C3orf70: variants seen among roughly 807,000 people sequenced by gnomAD.
The protein encoded by C3orf70 is chromosome 3 open reading frame 70.
C3orf70 carries 15 observed loss-of-function variants against 20.7 expected under a neutral mutation model. That is an observed-to-expected ratio of 0.72 (90% CI 0.48 to 1.11). The LOEUF is 1.11. C3orf70 is among the 50% of genes most tolerant of loss of function. C3orf70 has a pLI of 0.00. For missense variants in C3orf70, 332 were observed against 317.6 expected (o/e 1.05, Z -0.34); for synonymous variants, 161 against 125.7 (o/e 1.28, Z -1.88).
chr3:185,148,091 GT>G (rs1162679086), intron 1 of C3orf70, among the ~76,000 whole-genome samples: 3 of 152,292 alleles, frequency 2.0e-5, no homozygotes, highest in African/African-American at 7.2e-5. Flanking sequence ...ACACTCTGGT[GT>G]TGTAAAGGGA....
At chr3:185,106,074 C>A (rs1348670408) in intron 1 of C3orf70, among the ~76,000 whole-genome samples, 6 of 152,154 alleles carry the variant, frequency 3.9e-5, no homozygotes, top group Non-Finnish European at 8.8e-5. Context: ...TCTTTCTTTT[C>A]CAGAGGACAC....
chr3:185,114,655 C>G (rs997346154), intron 1 of C3orf70, among the ~76,000 whole-genome samples: 2 of 152,130 alleles, frequency 1.3e-5, no homozygotes, highest in South Asian at 2.1e-4. Context: ...AGCAATAAAG[C>G]TCATTCTTTA....
intron 1 of C3orf70, among the ~76,000 whole-genome samples, chr3:185,094,287 G>C (rs1022245605): frequency 1.3e-5 from 2 of 151,996 alleles, no homozygotes; most frequent in Non-Finnish European, 2.9e-5. Context: ...AGGTTGGCCA[G>C]GATGGTCTCA....
intron 1 of C3orf70, among the ~76,000 whole-genome samples, chr3:185,106,691 A>G (rs900623284): frequency 2.6e-5 from 4 of 152,184 alleles, no homozygotes; most frequent in Non-Finnish European, 4.4e-5. Context: ...GTCCCCCGCC[A>G]CAGCCGGTAG....
intron 1 of C3orf70, among the ~76,000 whole-genome samples, chr3:185,110,801 T>C (rs1034055863): frequency 1.3e-5 from 2 of 152,246 alleles, no homozygotes; most frequent in Non-Finnish European, 2.9e-5. Context: ...CCCAACCTAT[T>C]CCTTTCATTC....
rs780014947 is a variant in C3orf70, at chr3:185,083,548, T to C, written c.212A>G (p.Gln71Arg). 3 of 1,595,906 alleles carry C rather than the reference T, an allele frequency of 1.9e-6. No homozygotes were observed. Among genetic ancestry groups the C allele is most frequent in the Non-Finnish European group, 2.6e-6 (3 of 1,171,572 alleles). Residue 71 changes from glutamine to arginine, a missense_variant, in exon 2 of 2, where the codon CAG becomes CGG. Transcript: ENST00000335012. ...AAGCTGTTCCACAGGGGTCATAGGC[T>C]GATACATGTATTTGCCTGTGAAGAC... Reference protein sequence around the residue: ...LGWCHCKYMYQPMTPVEQLPS... With the variant: ...LGWCHCKYMYRPMTPVEQLPS...
chr3:185,088,522 CTA>C (rs1715503022), intron 1 of C3orf70, among the ~76,000 whole-genome samples: 2 of 149,586 alleles, frequency 1.3e-5, no homozygotes, highest in African/African-American at 5.0e-5. Context: ...TTATATAAAT[CTA>C]TGATTTTTTT....
At chr3:185,134,183 A>G (rs1716578442) in intron 1 of C3orf70, among the ~76,000 whole-genome samples, 1 of 151,914 alleles carries the variant, frequency 6.6e-6, no homozygotes, top group African/African-American at 2.4e-5. Flanking sequence ...AAACTTTTTT[A>G]GTATTCTTTT....
In C3orf70 at chr3:185,079,579, C is replaced by CAAA. The variant is rs1644223900; in HGVS notation, c.*3427_*3428insTTT. ...CCAAACAGTTGTAACCACAAAAGCA[C>CAAA]TGTAATCATCATTTCTTGGAAAAGT... On this transcript the variant is annotated 3_prime_UTR_variant, in exon 2 of 2. Transcript: ENST00000335012. The CAAA allele has an allele frequency of 6.6e-6, 1 of 152,162 alleles. No homozygotes were observed. The highest frequency in any genetic ancestry group is 1.5e-5 in the Non-Finnish European group (1 of 68,024). The allele number at this position is 152,162 out of a possible 1,614,324, so 9.4% of individuals were successfully genotyped here.
In C3orf70 at chr3:185,083,348, A is replaced by AT; in HGVS notation, c.411dup (p.Cys138MetfsTer3). The AT allele has an allele frequency of 1.2e-6, 2 of 1,614,168 alleles. No homozygotes were observed. The highest frequency in any genetic ancestry group is 1.7e-6 in the Non-Finnish European group (2 of 1,180,008). On this transcript the variant is annotated frameshift_variant, in exon 2 of 2. Coordinates refer to ENST00000335012, the MANE Select transcript of C3orf70 (RefSeq NM_001025266.3). LOFTEE classifies it high-confidence loss of function. ...ACATAACACATCTTCCCATTAATAC[A>AT]TTTAACCTGATAGTTGTCAATAAAA... is the stretch of plus-strand genomic sequence containing the variant.
At chr3:185,138,497 T>C (rs1716674401) in intron 1 of C3orf70, among the ~76,000 whole-genome samples, 2 of 151,640 alleles carry the variant, frequency 1.3e-5, no homozygotes, top group South Asian at 4.2e-4. Context: ...TAAAAATATT[T>C]AACAAACTAT....
chr3:185,130,292 TACAAAA>T (rs1399317852), intron 1 of C3orf70, among the ~76,000 whole-genome samples: 5 of 151,922 alleles, frequency 3.3e-5, no homozygotes, highest in Non-Finnish European at 5.9e-5. Flanking sequence ...CTACTAAAAA[TACAAAA>T]ACAAAATTAG....
At chr3:185,129,142 T>C (rs1010207210) in intron 1 of C3orf70, among the ~76,000 whole-genome samples, 1 of 152,182 alleles carries the variant, frequency 6.6e-6, no homozygotes, top group African/African-American at 2.4e-5. Flanking sequence ...ACAGGGTACA[T>C]ATGTGCAGGA....
intron 1 of C3orf70, among the ~76,000 whole-genome samples, chr3:185,120,033 A>AAGAAAAAGAAAAAGAAAG (rs1553920937): frequency 6.0e-5 from 6 of 100,750 alleles, no homozygotes; most frequent in East Asian, 2.7e-4. Flanking sequence ...AAAAAAAAAA[A>AAGAAAAAGAAAAAGAAAG]AAAAAGAAAA....
At chr3:185,116,162 T>G (rs1244492381) in intron 1 of C3orf70, among the ~76,000 whole-genome samples, 1 of 152,172 alleles carries the variant, frequency 6.6e-6, no homozygotes, top group Non-Finnish European at 1.5e-5. Flanking sequence ...CAGACGGTAA[T>G]ATTTTGGCTT....
chr3:185,104,340 T>C (rs773788607), intron 1 of C3orf70, among the ~76,000 whole-genome samples: 32 of 152,090 alleles, frequency 2.1e-4, no homozygotes, highest in African/African-American at 6.8e-4. Flanking sequence ...GTTGGAGAGG[T>C]TGCAGAGAAA....
intron 1 of C3orf70, among the ~76,000 whole-genome samples, chr3:185,090,847 A>C (rs11925971): frequency 3.3e-5 from 5 of 152,138 alleles, no homozygotes; most frequent in African/African-American, 1.2e-4. Context: ...TGAGGACGCT[A>C]AAGTTTGCAT....
At chr3:185,146,141 A>G (rs551067341) in intron 1 of C3orf70, among the ~76,000 whole-genome samples, 1,555 of 151,964 alleles carry the variant, frequency 0.01, 43 homozygotes, top group African/African-American at 0.035. Context: ...AGCTTTCTCT[A>G]TCTCTGGAAG....
intron 1 of C3orf70, among the ~76,000 whole-genome samples, chr3:185,137,882 C>T (rs955703650): frequency 4.6e-5 from 7 of 151,830 alleles, no homozygotes; most frequent in African/African-American, 1.5e-4. Flanking sequence ...GAAAGAAGAG[C>T]GTAATAAAGA....
Sources: gnomAD v4.1 joint callset for allele counts (sites outside exome capture counted in the v4.1 genomes callset) on GRCh38, gnomAD v4.1.1 for gene constraint, MANE v1.5 for transcripts, NCBI Gene and HGNC (gene_info 2026-07-23, HGNC 2026-07-21) for gene names.